Variants in KNL1 observed in about 807,000 individuals in gnomAD.
KNL1 encodes the protein kinetochore scaffold 1.
A neutral mutation model predicts 201.3 loss-of-function variants in KNL1; 66 were observed. That is an observed-to-expected ratio of 0.33 (90% CI 0.27 to 0.40). KNL1 has a LOEUF of 0.40. Ranked by LOEUF, KNL1 falls within the 10% of genes least tolerant of loss-of-function variation. The pLI is 1.00. For synonymous variants in KNL1, 895 were observed against 899.2 expected (o/e 1.00, Z 0.08); for missense variants, 2,815 against 2,690.5 (o/e 1.05, Z -1.02).
chr15:40,614,564 A>G (rs1265285305), intron 7 of KNL1, among the ~76,000 whole-genome samples: 2 of 152,156 alleles, frequency 1.3e-5, no homozygotes, highest in African/African-American at 2.4e-5. Context: ...CTCACTCCTT[A>G]CAGATAACCA....
Position 40,622,958 on chromosome 15 carries a change from G to A in KNL1, c.2694G>A (p.Leu898=), listed in dbSNP as rs1443717556. The A allele has an allele frequency of 1.2e-6, 2 of 1,613,732 alleles. No homozygotes were observed. The highest frequency in any genetic ancestry group is 1.1e-5 in the South Asian group (1 of 91,050). The change falls in exon 10 of 26, where the codon TTG becomes TTA. Residue 898 remains leucine, a synonymous_variant. Transcript: ENST00000399668. ...LEKRDCHLVP[L]AGTSETILYT... ...AACGTGATTGTCATTTGGTGCCATT[G>A]GCAGGAACTTCTGAAACTATTTTAT...
At chr15:40,616,188 A>T (rs1199484216) in intron 8 of KNL1, among the ~76,000 whole-genome samples, 1 of 149,976 alleles carries the variant, frequency 6.7e-6, no homozygotes, top group African/African-American at 2.5e-5. Context: ...CAGTGGTGCA[A>T]TCTGGGCTCA....
intron 1 of KNL1, among the ~76,000 whole-genome samples, chr15:40,597,424 T>C (rs1327544328): frequency 6.6e-6 from 1 of 152,132 alleles, no homozygotes; most frequent in East Asian, 1.9e-4. Flanking sequence ...CTAGCTAATT[T>C]TTTTGCCCTG....
At chr15:40,625,811 GACTA>G in intron 10 of KNL1, 171 bp downstream of exon 10, 1 of 558,600 alleles carries the variant, frequency 1.8e-6, no homozygotes, top group Non-Finnish European at 3.2e-6. Flanking sequence ...GAAATTAATT[GACTA>G]ACAGCTAGAC....
In KNL1 at chr15:40,621,839, C is replaced by G. The variant is rs1345365208; in HGVS notation, c.1575C>G (p.Thr525=). 4.3e-6 allele frequency: 7 copies of G among 1,613,524 alleles called. No individual in the cohort carries two copies. Among genetic ancestry groups the G allele is most frequent in the Middle Eastern group, 1.7e-4 (1 of 6,058 alleles). ...AAATGATGCTCCAAAATCTTATGAC[C>G]ACATCAGAAGATGGGAAAATGAATG... ...EKEMMLQNLM[T]TSEDGKMNVN... Residue 525 remains threonine (T), a synonymous_variant, in exon 10 of 26, where the codon ACC becomes ACG. Transcript: ENST00000399668.
chr15:40,622,672 T>G lies in KNL1; in HGVS notation c.2408T>G (p.Val803Gly). The change falls in exon 10 of 26, where the codon GTA becomes GGA. Residue 803 changes from valine (V) to glycine (G), a missense_variant. Physicochemically the swap from Val to Gly is moderately radical, Grantham distance 109. Transcript: ENST00000399668. ...ACAACAATGAACAGACAGATAGCTG[T>G]AAAAGTTGAAAAATGTGGTAAAAGT... ...QLTTMNRQIAVKVEKCGKSPI... is the reference protein window; with the variant it reads ...QLTTMNRQIAGKVEKCGKSPI... The G allele has an allele frequency of 1.3e-6, 2 of 1,590,008 alleles. No individual in the cohort carries two copies. The highest frequency in any genetic ancestry group is 1.7e-6 in the Non-Finnish European group (2 of 1,171,182).
In KNL1 at chr15:40,625,546, AAAG is replaced by A; in HGVS notation, c.5285_5287del (p.Arg1762del). ...ATGGGAAAAACTTGCAATAGCCAAAAAAGAACGTGGGTACAAGAAGAAGAAGAT... is the reference window on the plus strand; with the variant it reads ...ATGGGAAAAACTTGCAATAGCCAAAAAACGTGGGTACAAGAAGAAGAAGAT... On this transcript the variant is annotated inframe_deletion, in exon 10 of 26. Transcript: ENST00000399668. 1 of 1,608,512 alleles carries A rather than the reference AAAG, an allele frequency of 6.2e-7. No homozygotes were observed. The highest frequency in any genetic ancestry group is 8.5e-7 in the Non-Finnish European group (1 of 1,178,692).
Position 40,624,127 on chromosome 15 carries a change from C to T in KNL1, c.3863C>T (p.Thr1288Ile), listed in dbSNP as rs1360636714. 6.2e-7 allele frequency: 1 copy of T among 1,614,030 alleles called. No homozygotes were observed. The highest frequency in any genetic ancestry group is 1.3e-5 in the African/African-American group (1 of 75,052). The change falls in exon 10 of 26, where the codon ACA (threonine) becomes ATA (isoleucine). Residue 1288 changes from threonine (T) to isoleucine (I), a missense_variant. This residue lies in a region of KNL1 where 2,464 missense variants were observed against 2,291.7 expected (regional missense o/e 1.08). Transcript: ENST00000399668. ...NNRDRRNVDFTSSHATAVCGS... is the reference protein window; with the variant it reads ...NNRDRRNVDFISSHATAVCGS... The stretch of plus-strand genomic sequence containing the variant: ...AGAGATAGAAGAAATGTGGACTTTA[C>T]AAGTAGTCATGCAACTGCTGTTTGT...
In KNL1 at chr15:40,607,841, C is replaced by A. The variant is rs566994113; in HGVS notation, c.136-1006C>A. Among the ~76,000 whole-genome samples the A allele has an allele frequency of 9.2e-5, 14 of 152,020 alleles. No homozygotes were observed. In the South Asian group the frequency reaches 2.9e-3, roughly 32 times the overall value. On this transcript the variant is annotated intron_variant, in intron 4 of 25. Coordinates refer to ENST00000399668, the MANE Select transcript of KNL1 (RefSeq NM_144508.5). Reference sequence around the variant, plus strand: ...AGAGAAATTGGAACACTTGTGCTTTCTTGGTGGGGGTATAAAATGGTACAG... The same window carrying A: ...AGAGAAATTGGAACACTTGTGCTTTATTGGTGGGGGTATAAAATGGTACAG...
intron 10 of KNL1, among the ~76,000 whole-genome samples, chr15:40,627,632 A>G: frequency 6.6e-6 from 1 of 152,206 alleles, no homozygotes; most frequent in East Asian, 1.9e-4. Context: ...TATTCAGCTA[A>G]AGAAGTCTTG....
At chr15:40,635,624 G>C (rs988284349) in intron 13 of KNL1, among the ~76,000 whole-genome samples, 2 of 152,154 alleles carry the variant, frequency 1.3e-5, no homozygotes, top group African/African-American at 4.8e-5. Context: ...AAAGTGCTGG[G>C]ATTATAGGTG....
At chr15:40,615,211 A>G (rs1439591185) in intron 7 of KNL1, 130 bp from the exon 8 acceptor site, 2 of 348,142 alleles carry the variant, frequency 5.7e-6, no homozygotes, top group African/African-American at 4.5e-5. Flanking sequence ...TTTTTTAAAA[A>G]GATGTCTTTA....
intron 1 of KNL1, among the ~76,000 whole-genome samples, chr15:40,595,543 A>T (rs1199847550): frequency 6.6e-6 from 1 of 152,236 alleles, no homozygotes; most frequent in Non-Finnish European, 1.5e-5. Flanking sequence ...ATACATGTAA[A>T]TTGAATTAAA....
chr15:40,621,412 T>C lies in KNL1; in HGVS notation c.1148T>C (p.Ile383Thr). ...QDLSINSADKIHITRSHIMGA... is the reference protein window; with the variant it reads ...QDLSINSADKTHITRSHIMGA... ...CTTTCCATAAACTCTGCAGACAAAA[T>C]ACATATTACCAGAAGTCATATTATG... Residue 383 changes from isoleucine (I) to threonine (T), a missense_variant, in exon 10 of 26, where the codon ATA (isoleucine) becomes ACA (threonine). Ile to Thr is a moderately conservative substitution (Grantham distance 89). This residue lies in a region of KNL1 where 2,464 missense variants were observed against 2,291.7 expected (regional missense o/e 1.08). Coordinates refer to ENST00000399668, the MANE Select transcript of KNL1 (RefSeq NM_144508.5). The C allele has an allele frequency of 6.2e-7, 1 of 1,613,118 alleles. No individual in the cohort carries two copies. Among genetic ancestry groups the C allele is most frequent in the African/African-American group, 1.3e-5 (1 of 74,972 alleles).
intron 8 of KNL1, 21 bp from the exon 9 acceptor site, chr15:40,618,938 T>G (rs374234475): frequency 1.3e-6 from 2 of 1,554,164 alleles, no homozygotes; most frequent in Non-Finnish European, 8.8e-7. Flanking sequence ...CTGACTACAG[T>G]TTTTTCTTTT....
At chr15:40,615,262 T>C (rs1232461969) in intron 7 of KNL1, 79 bp from the exon 8 acceptor site, 6 of 452,414 alleles carry the variant, frequency 1.3e-5, no homozygotes, top group Admixed American at 1.3e-4. Flanking sequence ...TTTCACCTTC[T>C]GTACTCTTTC....
chr15:40,605,521 G>A (rs776001551), intron 3 of KNL1, among the ~76,000 whole-genome samples: 1 of 151,742 alleles, frequency 6.6e-6, no homozygotes, highest in Non-Finnish European at 1.5e-5. Flanking sequence ...GTGTGATCTC[G>A]GCTCACTGTA....
At position 40,624,168 on chromosome 15, in the gene KNL1, T is replaced by G; in HGVS notation, c.3904T>G (p.Tyr1302Asp). 1 of 1,613,980 alleles carries G rather than the reference T, an allele frequency of 6.2e-7. No individual in the cohort carries two copies. ...ATAVCGSSDN[Y>D]SCLPNVISCT... Reference sequence around the variant, plus strand: ...TGCTGTTTGTGGATCCAGTGATAATTATTCCTGTTTACCAAATGTTATTTC... The same window carrying G: ...TGCTGTTTGTGGATCCAGTGATAATGATTCCTGTTTACCAAATGTTATTTC... Residue 1302 changes from tyrosine (Y) to aspartate (D), a missense_variant, in exon 10 of 26, where the codon TAT (tyrosine) becomes GAT (aspartate). Tyr to Asp is a radical substitution (Grantham distance 160). Coordinates refer to ENST00000399668, the MANE Select transcript of KNL1 (RefSeq NM_144508.5).
At chr15:40,632,220 A>C (rs946942527) in intron 13 of KNL1, among the ~76,000 whole-genome samples, 192 of 92,480 alleles carry the variant, frequency 2.1e-3, no homozygotes, top group African/African-American at 5.9e-3. Flanking sequence ...ACCCCCCCCC[A>C]CCCACATCTT....
Sources: allele counts gnomAD v4.1 joint callset (sites outside exome capture counted in the v4.1 genomes callset), GRCh38; gene constraint gnomAD v4.1.1; regional missense constraint gnomAD v4.1.1; transcripts MANE v1.5; gene names NCBI Gene and HGNC (gene_info 2026-07-23, HGNC 2026-07-21).